MTMR7: variants seen among roughly 807,000 people sequenced by gnomAD.
MTMR7 encodes the protein myotubularin related protein 7, also known as phosphatidylinositol-3-phosphate phosphatase MTMR7.
A neutral mutation model predicts 81.2 loss-of-function variants in MTMR7; 76 were observed. That is an observed-to-expected ratio of 0.94 (90% CI 0.78 to 1.13). The LOEUF (loss-of-function observed/expected upper bound fraction) is 1.13. Ranked by LOEUF, MTMR7 falls within the 50% of genes most tolerant of loss-of-function variation. The pLI is 0.00. For synonymous variants in MTMR7, 372 were observed against 289.8 expected (o/e 1.28, Z -2.88); for missense variants, 1,044 against 820.0 (o/e 1.27, Z -3.34).
chr8:17,371,797 C>T (rs774721862), intron 2 of MTMR7, among the ~76,000 whole-genome samples: 21 of 149,164 alleles, frequency 1.4e-4, no homozygotes, highest in Non-Finnish European at 3.1e-4. Context: ...GATATATGTA[C>T]ATCATACGGA....
Position 17,300,232 on chromosome 8 carries a change from A to G in MTMR7, c.1621-8T>C. 1.3e-6 allele frequency: 2 copies of G among 1,591,512 alleles called. No homozygotes were observed. On this transcript the variant is annotated splice_region_variant and splice_polypyrimidine_tract_variant and intron_variant, in intron 13 of 13. Transcript: ENST00000180173. The stretch of plus-strand genomic sequence containing the variant: ...TTGAATTTTTTCCAGCCTCTAAGAA[A>G]GAAATAACAATTTCAGGGGAAAAAT...
At position 17,309,250 on chromosome 8, in the gene MTMR7, T is replaced by C. The variant is rs535747360; in HGVS notation, c.1151+27A>G. On this transcript the variant is annotated intron_variant, in intron 10 of 13. Coordinates refer to ENST00000180173, the MANE Select transcript of MTMR7 (RefSeq NM_004686.5). ...AGAAACAGTGCTTTTATTCTAAACA[T>C]TCAAAACAGTCTTAAATATTACTTA... The C allele has an allele frequency of 2.8e-6, 4 of 1,416,254 alleles. No individual in the cohort carries two copies. In the South Asian group the frequency reaches 3.5e-5, roughly 13 times the overall value. The allele number at this position is 1,416,254 out of a possible 1,614,324, so 87.7% of individuals were successfully genotyped here.
Position 17,296,802 on chromosome 8 carries a change from C to T in MTMR7, c.*3060G>A, listed in dbSNP as rs751972173. The T allele has an allele frequency of 6.6e-6, 1 of 152,110 alleles. No individual in the cohort carries two copies. Among genetic ancestry groups the T allele is most frequent in the African/African-American group, 2.4e-5 (1 of 41,410 alleles). 9.4% of individuals were successfully genotyped at this position (152,110 alleles called of 1,614,324 possible). On this transcript the variant is annotated 3_prime_UTR_variant, in exon 14 of 14. Transcript: ENST00000180173. ...CTACATAATCACATGAGTAGTTCAT[C>T]TCAGTGTTTTTTATTCTTTAAAGTT... is the stretch of plus-strand genomic sequence containing the variant.
intron 10 of MTMR7, among the ~76,000 whole-genome samples, chr8:17,308,217 T>A (rs1007850893): frequency 1.3e-5 from 2 of 152,102 alleles, no homozygotes; most frequent in African/African-American, 2.4e-5. Flanking sequence ...TTTTTCCTTA[T>A]CAAACAATTA....
intron 6 of MTMR7, among the ~76,000 whole-genome samples, chr8:17,340,092 C>T (rs773645529): frequency 1.3e-5 from 2 of 152,246 alleles, no homozygotes; most frequent in African/African-American, 4.8e-5. Context: ...ACTGGGATTA[C>T]AGGCATGCAC....
intron 7 of MTMR7, among the ~76,000 whole-genome samples, chr8:17,328,188 C>T (rs1042811725): frequency 6.6e-6 from 1 of 152,014 alleles, no homozygotes; most frequent in African/African-American, 2.4e-5. Context: ...GTCCCTGTTG[C>T]TTCTTTCCTA....
chr8:17,399,153 A>AG (rs1167602783), intron 1 of MTMR7, among the ~76,000 whole-genome samples: 1 of 152,144 alleles, frequency 6.6e-6, no homozygotes, highest in Non-Finnish European at 1.5e-5. Flanking sequence ...GAGAAAAAAA[A>AG]AATAAAGAGC....
intron 1 of MTMR7, among the ~76,000 whole-genome samples, chr8:17,375,951 T>C (rs910462455): frequency 6.6e-6 from 1 of 152,208 alleles, no homozygotes; most frequent in African/African-American, 2.4e-5. Flanking sequence ...AAATGTACTA[T>C]TCAATGGTTT....
chr8:17,409,314 C>A (rs1821677997), intron 1 of MTMR7, among the ~76,000 whole-genome samples: 1 of 151,876 alleles, frequency 6.6e-6, no homozygotes, highest in Non-Finnish European at 1.5e-5. Context: ...CTAAAAATTA[C>A]CTAGGTGTAG....
intron 7 of MTMR7, among the ~76,000 whole-genome samples, chr8:17,316,214 C>T (rs1026042314): frequency 6.6e-6 from 1 of 151,870 alleles, no homozygotes; most frequent in African/African-American, 2.4e-5. Context: ...CTGTATCAAA[C>T]TGTTATTATT....
chr8:17,372,450 T>A (rs1820447483), intron 2 of MTMR7, among the ~76,000 whole-genome samples: 1 of 151,976 alleles, frequency 6.6e-6, no homozygotes, highest in South Asian at 2.1e-4. Flanking sequence ...CAGCCAGGCG[T>A]GGTGGCGCGT....
chr8:17,313,379 G>A lies in MTMR7; in HGVS notation c.888C>T (p.Ser296=), dbSNP rs1234284984. The A allele has an allele frequency of 6.2e-7, 1 of 1,611,462 alleles. No individual in the cohort carries two copies. The highest frequency in any genetic ancestry group is 1.3e-5 in the African/African-American group (1 of 74,880). The stretch of plus-strand genomic sequence containing the variant: ...CCAGACCCCACAGGAAATCACTCAT[G>A]GAGGGAGATTTAAGTTCACACACTG... ...MLEVCELKSP[S]MSDFLWGLEN... is the part of the protein sequence containing the mutation. The change falls in exon 8 of 14, where the codon TCC becomes TCT. Residue 296 remains serine (S), a synonymous_variant. Coordinates refer to ENST00000180173, the MANE Select transcript of MTMR7 (RefSeq NM_004686.5).
chr8:17,362,659 C>G (rs1210708711), intron 3 of MTMR7, among the ~76,000 whole-genome samples: 1 of 152,198 alleles, frequency 6.6e-6, no homozygotes, highest in Non-Finnish European at 1.5e-5. Context: ...CTTCTTCCTT[C>G]CTCGTTCCAG....
chr8:17,385,863 T>C (rs1023427318), intron 1 of MTMR7, among the ~76,000 whole-genome samples: 2 of 152,190 alleles, frequency 1.3e-5, no homozygotes, highest in Non-Finnish European at 2.9e-5. Flanking sequence ...CATGAGCCAA[T>C]TAAACCTCTT....
Position 17,300,156 on chromosome 8 carries a change from G to A in MTMR7, c.1689C>T (p.Ser563=), listed in dbSNP as rs1382003436. ...CTGAGGTAGAAAACCCTGAGTGCTT[G>A]CTGGGCTCACTTTGCTTACTCTTCA... ...TKVKSKQSEP[S]KHSGFSTSDN... is the part of the protein sequence containing the mutation. Residue 563 remains serine (S), a synonymous_variant, in exon 14 of 14, where the codon AGC becomes AGT. Coordinates refer to ENST00000180173, the MANE Select transcript of MTMR7 (RefSeq NM_004686.5). The A allele has an allele frequency of 1.2e-6, 2 of 1,614,106 alleles. No individual in the cohort carries two copies. Among genetic ancestry groups the A allele is most frequent in the Non-Finnish European group, 1.7e-6 (2 of 1,180,002 alleles).
chr8:17,305,315 C>G (rs1817379282), intron 11 of MTMR7, among the ~76,000 whole-genome samples: 1 of 152,224 alleles, frequency 6.6e-6, no homozygotes, highest in East Asian at 1.9e-4. Flanking sequence ...TTTTAAAGTC[C>G]ACAATTTATC....
chr8:17,340,458 T>C (rs17124423), intron 6 of MTMR7, among the ~76,000 whole-genome samples: 34,966 of 152,054 alleles, frequency 0.23, 6,276 homozygotes, highest in African/African-American at 0.49. Context: ...CATTCTGTCA[T>C]CTCATTCTGT....
intron 3 of MTMR7, among the ~76,000 whole-genome samples, chr8:17,364,206 T>C (rs554042884): frequency 8.0e-5 from 12 of 149,830 alleles, no homozygotes; most frequent in African/African-American, 2.4e-4. Flanking sequence ...ATTTTTTGCA[T>C]TTTTTTTTAG....
rs898095460 is a variant in MTMR7 at position 17,299,317 on chromosome 8, A to T, written c.*545T>A. On this transcript the variant is annotated 3_prime_UTR_variant, in exon 14 of 14. Transcript: ENST00000180173. ...CCAAGGAAAAGTTAAAGTGATGATT[A>T]TGCCTGAAAGATAAGCAATTAAAAG... is the stretch of plus-strand genomic sequence containing the variant. 2.0e-5 allele frequency: 3 copies of T among 152,478 alleles called. No individual in the cohort carries two copies. The highest frequency in any genetic ancestry group is 7.2e-5 in the African/African-American group (3 of 41,468). 9.4% of individuals were successfully genotyped at this position (152,478 alleles called of 1,614,324 possible). A position where few individuals can be genotyped will look rare whatever the true frequency, so the allele number is the denominator to read the frequency against.
Sources: allele counts gnomAD v4.1 joint callset (sites outside exome capture counted in the v4.1 genomes callset), GRCh38; gene constraint gnomAD v4.1.1; transcripts MANE v1.5; gene names NCBI Gene and HGNC (gene_info 2026-07-23, HGNC 2026-07-21).